CLNK: variants seen among roughly 807,000 people sequenced by gnomAD.
CLNK encodes cytokine dependent hematopoietic cell linker.
Under a neutral mutation model 68.6 loss-of-function variants are expected in CLNK, and 74 were observed. The observed-to-expected ratio is 1.08, with a 90% CI of 0.89 to 1.31. CLNK has a LOEUF of 1.31. Among genes scored for constraint, CLNK ranks in the 50% most tolerant of loss-of-function variants. CLNK has a pLI of 0.00. For missense variants in CLNK, 553 were observed against 515.3 expected, an observed-to-expected ratio of 1.07 and a Z score of -0.71; for synonymous variants, 198 against 172.2, an observed-to-expected ratio of 1.15 and a Z score of -1.17.
intron 2 of CLNK, among the ~76,000 whole-genome samples, chr4:10,601,947 G>A (rs1181661267): frequency 6.6e-6 from 1 of 152,216 alleles, no homozygotes; most frequent in Admixed American, 6.5e-5. Flanking sequence ...AGGCTTGTAG[G>A]GAAACTGAGG....
At chr4:10,676,827 T>A (rs1246641307) in intron 1 of CLNK, among the ~76,000 whole-genome samples, 1 of 152,124 alleles carries the variant, frequency 6.6e-6, no homozygotes, top group African/African-American at 2.4e-5. Context: ...CTCCTTCTTT[T>A]TTCTTTGGCT....
chr4:10,708,242 A>T, the CLNK span, among the ~76,000 whole-genome samples: 1 of 152,186 alleles, frequency 6.6e-6, no homozygotes, highest in Non-Finnish European at 1.5e-5. Flanking sequence ...TAGGAGTATA[A>T]TTTTTATGTC....
intron 4 of CLNK, among the ~76,000 whole-genome samples, chr4:10,577,300 T>C (rs1417291850): frequency 6.6e-6 from 1 of 152,172 alleles, no homozygotes; most frequent in East Asian, 1.9e-4. Context: ...GCTCCAAATC[T>C]GCAGGTTGCC....
chr4:10,717,033 A>T, the CLNK span, among the ~76,000 whole-genome samples: 1 of 151,538 alleles, frequency 6.6e-6, no homozygotes, highest in African/African-American at 2.4e-5. Context: ...AAAAAAAAAA[A>T]TTATATTCCA....
At chr4:10,669,626 A>G (rs1021340666) in intron 1 of CLNK, among the ~76,000 whole-genome samples, 3 of 152,224 alleles carry the variant, frequency 2.0e-5, no homozygotes, top group African/African-American at 7.2e-5. Flanking sequence ...AGGATCATGC[A>G]TGCTAAGGGA....
chr4:10,723,919 A>AGAGAGACAGAG, the CLNK span, among the ~76,000 whole-genome samples: 3 of 148,018 alleles, frequency 2.0e-5, no homozygotes, highest in East Asian at 2.0e-4. Flanking sequence ...AGAGAGAGAG[A>AGAGAGACAGAG]AGGCAGGGCA....
rs1716465518 is a variant in CLNK at position 10,489,272 on chromosome 4, C to A, written c.*1195G>T. 6.6e-6 allele frequency: 1 copy of A among 152,146 alleles called. No homozygotes were observed. Among genetic ancestry groups the A allele is most frequent in the Non-Finnish European group, 1.5e-5 (1 of 68,040 alleles). 9.4% of individuals were successfully genotyped at this position (152,146 alleles called of 1,614,324 possible). On this transcript the variant is annotated 3_prime_UTR_variant, in exon 19 of 19. Transcript: ENST00000226951. The stretch of plus-strand genomic sequence containing the variant: ...CAATAATAAAATTAAATCCTCTTAA[C>A]CTCTACAGGGAATAATATCATGGCC...
At chr4:10,519,948 TA>T (rs769452801) in intron 15 of CLNK, among the ~76,000 whole-genome samples, 1 of 152,024 alleles carries the variant, frequency 6.6e-6, no homozygotes, top group Non-Finnish European at 1.5e-5. Flanking sequence ...GATCTTACTA[TA>T]AAGAGAGAGA....
the CLNK span, among the ~76,000 whole-genome samples, chr4:10,697,953 C>G: frequency 1.3e-5 from 2 of 152,190 alleles, no homozygotes; most frequent in Admixed American, 1.3e-4. Context: ...TCATGATCAT[C>G]AAACAGAACC....
At chr4:10,646,162 G>T (rs1259765681) in intron 2 of CLNK, among the ~76,000 whole-genome samples, 3 of 152,118 alleles carry the variant, frequency 2.0e-5, no homozygotes, top group Non-Finnish European at 4.4e-5. Context: ...GAATTACCTT[G>T]ATTTGACCAT....
intron 8 of CLNK, among the ~76,000 whole-genome samples, chr4:10,556,050 A>T (rs114214364): frequency 6.6e-6 from 1 of 152,212 alleles, no homozygotes; most frequent in Non-Finnish European, 1.5e-5. Flanking sequence ...CTTTCACTGA[A>T]GTCCTCTTTG....
chr4:10,666,191 T>C (rs962942056), intron 2 of CLNK, among the ~76,000 whole-genome samples: 1 of 152,190 alleles, frequency 6.6e-6, no homozygotes, highest in African/African-American at 2.4e-5. Context: ...TGCTGAACCC[T>C]TAATTTCGAA....
the CLNK span, among the ~76,000 whole-genome samples, chr4:10,722,252 G>A: frequency 6.6e-6 from 1 of 152,158 alleles, no homozygotes; most frequent in Admixed American, 6.5e-5. Flanking sequence ...GAAGAAGGAT[G>A]TACCAAGTCA....
chr4:10,538,606 A>G (rs2108807059), intron 11 of CLNK, among the ~76,000 whole-genome samples: 1 of 152,042 alleles, frequency 6.6e-6, no homozygotes, highest in Middle Eastern at 3.4e-3. Flanking sequence ...CCAGTTTCTC[A>G]CTCTTTGAAA....
chr4:10,502,422 G>C (rs772684938), intron 17 of CLNK, among the ~76,000 whole-genome samples: 44 of 152,160 alleles, frequency 2.9e-4, no homozygotes, highest in Middle Eastern at 3.4e-3. Flanking sequence ...TCTCTCCCTA[G>C]ACACGTGGGG....
chr4:10,708,268 T>C, the CLNK span, among the ~76,000 whole-genome samples: 1 of 152,238 alleles, frequency 6.6e-6, no homozygotes, highest in Non-Finnish European at 1.5e-5. Flanking sequence ...ACTTTCATGA[T>C]TATTGTTTTG....
At chr4:10,682,660 G>A (rs903563120) in intron 1 of CLNK, among the ~76,000 whole-genome samples, 3 of 152,148 alleles carry the variant, frequency 2.0e-5, no homozygotes, top group Non-Finnish European at 4.4e-5. Flanking sequence ...TCACACACTA[G>A]ATTCATGTCC....
intron 1 of CLNK, among the ~76,000 whole-genome samples, chr4:10,673,947 C>T (rs1724766301): frequency 6.6e-6 from 1 of 152,192 alleles, no homozygotes; most frequent in Admixed American, 6.5e-5. Context: ...TGTGCATTCA[C>T]TTTCTGTAGC....
intron 2 of CLNK, among the ~76,000 whole-genome samples, chr4:10,619,072 G>A (rs114395939): frequency 2.6e-5 from 4 of 152,284 alleles, no homozygotes; most frequent in African/African-American, 9.6e-5. Context: ...CTCTGTCTTT[G>A]ACCACAGAAA....
Sources: allele counts gnomAD v4.1 joint callset (sites outside exome capture counted in the v4.1 genomes callset), GRCh38; gene constraint gnomAD v4.1.1; transcripts MANE v1.5; gene names NCBI Gene and HGNC (gene_info 2026-07-23, HGNC 2026-07-21).